SRD5A2: variants seen among roughly 807,000 people sequenced by gnomAD.
SRD5A2 encodes 3-oxo-5-alpha-steroid 4-dehydrogenase 2.
SRD5A2 carries 30 observed loss-of-function variants against 27.4 expected under a neutral mutation model. The observed-to-expected ratio is 1.10, with a 90% CI of 0.82 to 1.49. The LOEUF (loss-of-function observed/expected upper bound fraction) is 1.49. Among genes scored for constraint, SRD5A2 ranks in the 40% most tolerant of loss-of-function variants. The pLI is 0.00. For synonymous variants in SRD5A2, 141 were observed against 133.6 expected, an observed-to-expected ratio of 1.06 and a Z score of -0.38; for missense variants, 348 against 323.4, an observed-to-expected ratio of 1.08 and a Z score of -0.58.
chr2:31,589,827 G>C, the SRD5A2 span, among the ~76,000 whole-genome samples: 2 of 152,098 alleles, frequency 1.3e-5, no homozygotes, highest in African/African-American at 2.4e-5. Context: ...GGAGGCCTGA[G>C]AGCCCTGCTT....
At chr2:31,644,907 T>C in the SRD5A2 span, among the ~76,000 whole-genome samples, 2 of 152,200 alleles carry the variant, frequency 1.3e-5, no homozygotes, top group African/African-American at 4.8e-5. Context: ...AAAATTAATA[T>C]TCATAAATAA....
chr2:31,618,738 G>A, the SRD5A2 span, among the ~76,000 whole-genome samples: 4 of 151,954 alleles, frequency 2.6e-5, no homozygotes, highest in African/African-American at 9.6e-5. Flanking sequence ...AGTTAGATTC[G>A]AAAAATAAGT....
At chr2:31,626,340 A>C in the SRD5A2 span, among the ~76,000 whole-genome samples, 87 of 152,150 alleles carry the variant, frequency 5.7e-4, no homozygotes, top group Admixed American at 1.2e-3. Context: ...CTCATTGGAT[A>C]CCCTTTATTT....
intron 1 of SRD5A2, among the ~76,000 whole-genome samples, chr2:31,558,834 C>T (rs987490571): frequency 1.3e-5 from 2 of 152,064 alleles, no homozygotes; most frequent in African/African-American, 2.4e-5. Context: ...GAGACTGTAC[C>T]GTCTAGGTTT....
At chr2:31,629,140 C>G in the SRD5A2 span, among the ~76,000 whole-genome samples, 4 of 152,190 alleles carry the variant, frequency 2.6e-5, no homozygotes, top group African/African-American at 9.6e-5. Context: ...CACTAACCAT[C>G]TACCCATGGA....
the SRD5A2 span, among the ~76,000 whole-genome samples, chr2:31,641,456 G>A: frequency 6.6e-6 from 1 of 152,094 alleles, no homozygotes; most frequent in Non-Finnish European, 1.5e-5. Flanking sequence ...ATTCATTTCT[G>A]GCAGGCTTAC....
In SRD5A2 at chr2:31,545,116, A is replaced by C. The variant is rs140865776; in HGVS notation, c.282-11350T>G. Among the ~76,000 whole-genome samples the C allele has an allele frequency of 5.6e-3, 859 of 152,094 alleles. 6 individuals carry two copies. The highest frequency in any genetic ancestry group is 0.019 in the African/African-American group (796 of 41,544). On this transcript the variant is annotated intron_variant, in intron 1 of 4. Coordinates refer to ENST00000622030, the MANE Select transcript of SRD5A2 (RefSeq NM_000348.4). ...CTTGATCTAACAGTTTCACTGGTGAATTCTACCAATAGTAGAAATACTTCT... is the reference window on the plus strand; with the variant it reads ...CTTGATCTAACAGTTTCACTGGTGACTTCTACCAATAGTAGAAATACTTCT...
In SRD5A2 at chr2:31,524,669, T is replaced by G. The variant is rs1228174172; in HGVS notation, c.*1527A>C. ...CATTTTTCAGTAATCTACATCATCC[T>G]CAGACCTTTCAAGTTTCCTATGTGA... On this transcript the variant is annotated 3_prime_UTR_variant, in exon 5 of 5. Coordinates refer to ENST00000622030, the MANE Select transcript of SRD5A2 (RefSeq NM_000348.4). 4.3e-6 allele frequency: 1 copy of G among 231,118 alleles called. No homozygotes were observed. Among genetic ancestry groups the G allele is most frequent in the Non-Finnish European group, 8.6e-6 (1 of 116,756 alleles). The allele number at this position is 231,118 out of a possible 1,614,324, so 14.3% of individuals were successfully genotyped here. A position where few individuals can be genotyped will look rare whatever the true frequency, so the allele number is the denominator to read the frequency against.
At chr2:31,632,389 A>T in the SRD5A2 span, among the ~76,000 whole-genome samples, 3 of 152,332 alleles carry the variant, frequency 2.0e-5, no homozygotes, top group South Asian at 2.1e-4. Flanking sequence ...AATAGAAATA[A>T]GCCTCCCCCT....
At chr2:31,591,396 C>A in the SRD5A2 span, among the ~76,000 whole-genome samples, 1 of 152,188 alleles carries the variant, frequency 6.6e-6, no homozygotes, top group Non-Finnish European at 1.5e-5. Context: ...GATACCATCT[C>A]ACGCCAGTTA....
At chr2:31,577,128 C>T (rs1284969186) in intron 1 of SRD5A2, among the ~76,000 whole-genome samples, 1 of 71,670 alleles carries the variant, frequency 1.4e-5, no homozygotes, top group East Asian at 3.9e-4. Context: ...GCACATGTAC[C>T]CTAAAACTTA....
At chr2:31,555,290 G>A (rs1666472447) in intron 1 of SRD5A2, among the ~76,000 whole-genome samples, 1 of 152,064 alleles carries the variant, frequency 6.6e-6, no homozygotes. Context: ...CCCTTCTGAT[G>A]GTACCTACAC....
chr2:31,645,257 C>G, the SRD5A2 span, among the ~76,000 whole-genome samples: 1 of 152,020 alleles, frequency 6.6e-6, no homozygotes, highest in Non-Finnish European at 1.5e-5. Context: ...GATAGCACAA[C>G]AGGGTGACTA....
At chr2:31,547,028 G>A (rs28745295) in intron 1 of SRD5A2, among the ~76,000 whole-genome samples, 6,662 of 152,178 alleles carry the variant, frequency 0.044, 225 homozygotes, top group Non-Finnish European at 0.069. Flanking sequence ...AACCTGGGAG[G>A]CAGAGGTTGT....
chr2:31,554,173 G>A (rs1307042402), intron 1 of SRD5A2, among the ~76,000 whole-genome samples: 1 of 152,042 alleles, frequency 6.6e-6, no homozygotes. Context: ...CATCTGTTGT[G>A]AGTACACTTG....
intron 4 of SRD5A2, 97 bp from the exon 5 acceptor site, chr2:31,526,359 G>T: frequency 2.6e-6 from 2 of 777,898 alleles, no homozygotes; most frequent in South Asian, 3.0e-5. Flanking sequence ...TCAACCTACA[G>T]TTATTTTGGG....
intron 1 of SRD5A2, among the ~76,000 whole-genome samples, chr2:31,565,611 AAAG>A (rs879581106): frequency 6.6e-6 from 1 of 151,998 alleles, no homozygotes; most frequent in Non-Finnish European, 1.5e-5. Flanking sequence ...TACCAAGAAT[AAAG>A]AAGATTGTTT....
At chr2:31,615,223 G>A in the SRD5A2 span, among the ~76,000 whole-genome samples, 912 of 152,294 alleles carry the variant, frequency 6.0e-3, 9 homozygotes, top group Non-Finnish European at 0.011. Flanking sequence ...ACCCAAAAAT[G>A]TGGAAGTGAC....
the SRD5A2 span, among the ~76,000 whole-genome samples, chr2:31,656,620 C>CTG: frequency 6.6e-6 from 1 of 152,100 alleles, no homozygotes; most frequent in South Asian, 2.1e-4. Flanking sequence ...GAGAACACAC[C>CTG]ATTCATCCCT....
Sources: allele counts gnomAD v4.1 joint callset (sites outside exome capture counted in the v4.1 genomes callset), GRCh38; gene constraint gnomAD v4.1.1; transcripts MANE v1.5; gene names NCBI Gene and HGNC (gene_info 2026-07-23, HGNC 2026-07-21).